MAST4: variants seen among roughly 807,000 people sequenced by gnomAD.
MAST4 encodes the protein microtubule associated serine/threonine kinase family member 4, also known as microtubule-associated serine/threonine-protein kinase 4.
In MAST4, 89 loss-of-function variants were observed where a neutral mutation model predicts 162.7. The ratio of observed to expected loss-of-function variants is 0.55; its 90% confidence interval spans 0.46 to 0.65. MAST4 has a LOEUF of 0.65. Ranked by LOEUF, MAST4 falls within the 30% of genes least tolerant of loss-of-function variation. The pLI, the probability that MAST4 is intolerant of heterozygous loss-of-function variation, is 0.00. For missense variants in MAST4, 3,153 were observed against 3,374.0 expected, an observed-to-expected ratio of 0.93 and a Z score of 1.62; for synonymous variants, 1,479 against 1,361.1, an observed-to-expected ratio of 1.09 and a Z score of -1.91.
chr5:67,142,482 C>G lies in MAST4; in HGVS notation c.2679C>G (p.Asp893Glu). The G allele has an allele frequency of 6.3e-7, 1 of 1,599,080 alleles. No individual in the cohort carries two copies. The highest frequency in any genetic ancestry group is 8.5e-7 in the Non-Finnish European group (1 of 1,172,300). The stretch of plus-strand genomic sequence containing the variant: ...AAGAAGATGACACAAATGATGAAGA[C>G]TTTAATGTGGAAATAAGGCAGTTTT... ...TEEEDDTNDE[D>E]FNVEIRQFSS... Residue 893 changes from aspartate (D) to glutamate (E), a missense_variant, in exon 21 of 29, where the codon GAC becomes GAG. Asp to Glu is a conservative substitution (Grantham distance 45, BLOSUM62 2). Around this residue, in one of 7 missense-constraint regions of MAST4, gnomAD observed 619 missense variants for 744.2 expected, o/e 0.83. Coordinates refer to ENST00000403625, the MANE Select transcript of MAST4 (RefSeq NM_001164664.2).
At chr5:66,649,914 C>T (rs1018780901) in intron 1 of MAST4, among the ~76,000 whole-genome samples, 30 of 151,772 alleles carry the variant, frequency 2.0e-4, no homozygotes, top group Non-Finnish European at 1.3e-4. Context: ...TGGGGCATGA[C>T]ATTTTATCAA....
chr5:66,681,677 G>A (rs189241014), intron 1 of MAST4, among the ~76,000 whole-genome samples: 8 of 152,294 alleles, frequency 5.3e-5, no homozygotes, highest in Admixed American at 2.0e-4. Flanking sequence ...ATACAAAAAG[G>A]CACAGCTTGA....
intron 5 of MAST4, among the ~76,000 whole-genome samples, chr5:67,081,033 A>C (rs1217805808): frequency 1.5e-5 from 2 of 132,012 alleles, no homozygotes; most frequent in Non-Finnish European, 3.1e-5. Context: ...ATATTATATA[A>C]TATAATATAT....
chr5:66,874,180 C>A (rs777239111), intron 3 of MAST4, among the ~76,000 whole-genome samples: 5 of 152,144 alleles, frequency 3.3e-5, no homozygotes, highest in Non-Finnish European at 7.4e-5. Context: ...TGAGAATATG[C>A]TCACCTGTAC....
At chr5:67,046,384 T>C (rs760965082) in intron 4 of MAST4, among the ~76,000 whole-genome samples, 4 of 152,254 alleles carry the variant, frequency 2.6e-5, no homozygotes, top group Admixed American at 6.5e-5. Flanking sequence ...AAAATGTGTT[T>C]AAAAGCTGAA....
At chr5:66,672,836 A>G (rs1293752984) in intron 1 of MAST4, among the ~76,000 whole-genome samples, 1 of 152,170 alleles carries the variant, frequency 6.6e-6, no homozygotes, top group Non-Finnish European at 1.5e-5. Flanking sequence ...ATAATTATAT[A>G]CAGTACATCA....
chr5:66,919,099 AAC>A (rs56340246), intron 4 of MAST4, among the ~76,000 whole-genome samples: 4,620 of 142,210 alleles, frequency 0.032, 156 homozygotes, highest in African/African-American at 0.09. Context: ...CGAGACTCTC[AAC>A]ACACACACAC....
chr5:66,674,888 A>G (rs1747846670), intron 1 of MAST4, among the ~76,000 whole-genome samples: 1 of 152,248 alleles, frequency 6.6e-6, no homozygotes, highest in Admixed American at 6.5e-5. Flanking sequence ...GAATATTTTT[A>G]GAAGGATATT....
chr5:67,160,403 G>C (rs188015938), intron 26 of MAST4, 53 bp from the exon 27 acceptor site: 1 of 1,556,346 alleles, frequency 6.4e-7, no homozygotes, highest in East Asian at 2.3e-5. Flanking sequence ...TCTCTGTTCT[G>C]ATCTTGCTTC....
chr5:66,742,834 A>G (rs962983296), intron 1 of MAST4, among the ~76,000 whole-genome samples: 7 of 152,182 alleles, frequency 4.6e-5, no homozygotes, highest in Admixed American at 4.6e-4. Flanking sequence ...AGGAAGTTTG[A>G]GGAATGGTTG....
intron 1 of MAST4, among the ~76,000 whole-genome samples, chr5:66,745,795 C>T (rs1752720659): frequency 1.3e-5 from 2 of 152,208 alleles, no homozygotes; most frequent in Non-Finnish European, 1.5e-5. Flanking sequence ...ATGACTGTAT[C>T]TTTTCTGTTT....
At chr5:67,133,098 A>G (rs1191495422) in intron 16 of MAST4, among the ~76,000 whole-genome samples, 1 of 152,016 alleles carries the variant, frequency 6.6e-6, no homozygotes, top group African/African-American at 2.4e-5. Flanking sequence ...AAACAATACA[A>G]TATTTTTCTG....
At position 67,142,855 on chromosome 5, in the gene MAST4, T is replaced by C. The variant is rs1277813603; in HGVS notation, c.2730+322T>C. On this transcript the variant is annotated intron_variant, in intron 21 of 28. Coordinates refer to ENST00000403625, the MANE Select transcript of MAST4 (RefSeq NM_001164664.2). ...ATTTCTCTCTCCACAAATTAAGATATTGTTTTCTTAGAGGCATAGCCTTGC... is the reference window on the plus strand; with the variant it reads ...ATTTCTCTCTCCACAAATTAAGATACTGTTTTCTTAGAGGCATAGCCTTGC... The C allele has an allele frequency of 5.8e-5, 12 of 205,466 alleles. No individual in the cohort carries two copies. The East Asian group carries it at 8.3e-4, about 14-fold the overall frequency. The allele number at this position is 205,466 out of a possible 1,614,324, so 12.7% of individuals were successfully genotyped here.
rs759186301 is a variant in MAST4, at chr5:67,164,481, G to T, written c.5302G>T (p.Gly1768Ter). The T allele has an allele frequency of 3.7e-6, 6 of 1,613,928 alleles. No homozygotes were observed. The Admixed American group carries it at 8.3e-5, about 22-fold the overall frequency. Reference sequence around the variant, plus strand: ...GGCCTTAACAGGCCGGGTGGACAGTGGAACGGAGAAGCCTGGCTTGGTTGC... The same window carrying T: ...GGCCTTAACAGGCCGGGTGGACAGTTGAACGGAGAAGCCTGGCTTGGTTGC... ...LKALTGRVDSGTEKPGLVAPE... is the reference protein window; with the variant it reads ...LKALTGRVDS The change falls in exon 29 of 29, where the codon GGA (glycine) becomes TGA (stop). Residue 1768 changes from glycine to a stop codon, truncating the protein, a stop_gained. Coordinates refer to ENST00000403625, the MANE Select transcript of MAST4 (RefSeq NM_001164664.2). LOFTEE classifies it low-confidence loss of function (END_TRUNC). The surrounding 1 kb of genome is among the most constrained non-coding windows in gnomAD (Gnocchi z 5.3).
Position 67,165,170 on chromosome 5 carries a change from C to A in MAST4, c.5991C>A (p.Ser1997=). The A allele has an allele frequency of 6.2e-7, 1 of 1,602,860 alleles. No homozygotes were observed. Among genetic ancestry groups the A allele is most frequent in the Non-Finnish European group, 8.5e-7 (1 of 1,174,572 alleles). The change falls in exon 29 of 29, where the codon TCC becomes TCA. Residue 1997 remains serine, a synonymous_variant. Coordinates refer to ENST00000403625, the MANE Select transcript of MAST4 (RefSeq NM_001164664.2). ...AARADTCREP[S]MELCFPETAK... ...GGGCTGACACATGCAGAGAGCCCTC[C>A]ATGGAACTGTGCTTTCCAGAAACTG...
Position 67,134,586 on chromosome 5 carries a change from G to A in MAST4, c.2290G>A (p.Val764Met). 6.2e-7 allele frequency: 1 copy of A among 1,613,758 alleles called. No individual in the cohort carries two copies. The highest frequency in any genetic ancestry group is 8.5e-7 in the Non-Finnish European group (1 of 1,179,730). ...TCTGAGGCAGGGTTATGGAAAGCCG[G>A]TGGACTGGTGGGCCATGGGGATTAT... is the stretch of plus-strand genomic sequence containing the variant. ...VILRQGYGKPVDWWAMGIILY... is the reference protein window; with the variant it reads ...VILRQGYGKPMDWWAMGIILY... The change falls in exon 18 of 29, where the codon GTG becomes ATG. Residue 764 changes from valine (V) to methionine (M), a missense_variant. Transcript: ENST00000403625.
At chr5:66,629,317 A>G (rs919702581) in intron 1 of MAST4, among the ~76,000 whole-genome samples, 1 of 150,672 alleles carries the variant, frequency 6.6e-6, no homozygotes, top group Non-Finnish European at 1.5e-5. Flanking sequence ...ACTGCAAACT[A>G]GAAGAGGTGA....
chr5:66,923,853 G>A (rs893437689), intron 4 of MAST4, among the ~76,000 whole-genome samples: 5 of 152,228 alleles, frequency 3.3e-5, no homozygotes, highest in Non-Finnish European at 7.3e-5. Context: ...ATTCAGAGAT[G>A]TGGCAAATTG....
chr5:66,843,633 C>A (rs1758585456), intron 3 of MAST4, among the ~76,000 whole-genome samples: 1 of 152,086 alleles, frequency 6.6e-6, no homozygotes, highest in Non-Finnish European at 1.5e-5. Flanking sequence ...CTTTGTTAAG[C>A]CTTATGTCCC....
Sources: gnomAD v4.1 joint callset for allele counts (sites outside exome capture counted in the v4.1 genomes callset) on GRCh38, gnomAD v4.1.1 for gene constraint, gnomAD v4.1.1 regional missense constraint, Gnocchi (gnomAD v3.1) non-coding constraint, MANE v1.5 for transcripts, NCBI Gene and HGNC (gene_info 2026-07-23, HGNC 2026-07-21) for gene names.